The following RRM2 variants were observed in gnomAD, a reference collection of about 807,000 sequenced individuals.
The protein encoded by RRM2 is ribonucleotide reductase regulatory subunit M2, also known as ribonucleoside-diphosphate reductase subunit M2.
A neutral mutation model predicts 45.9 loss-of-function variants in RRM2; 6 were observed. The observed-to-expected ratio is 0.13, with a 90% CI of 0.07 to 0.26. RRM2 has a LOEUF of 0.26. Ranked by LOEUF, RRM2 falls within the 10% of genes least tolerant of loss-of-function variation. RRM2 has a pLI of 1.00. For synonymous variants in RRM2, 177 were observed against 173.0 expected (o/e 1.02, Z -0.18); for missense variants, 343 against 489.5 (o/e 0.70, Z 2.82).
At position 10,123,521 on chromosome 2, in the gene RRM2, C is replaced by T. The variant is rs561023083; in HGVS notation, c.309C>T (p.Thr103=). The part of the protein sequence containing the change: ...MYKKAEASFW[T]AEEVDLSKDI... ...AGAAGGCAGAGGCTTCCTTTTGGAC[C>T]GCCGAGGAGGTAATCGGAGGACCCC... The change falls in exon 3 of 10, where the codon ACC becomes ACT. Residue 103 remains threonine, a synonymous_variant. Coordinates refer to ENST00000304567, the MANE Select transcript of RRM2 (RefSeq NM_001034.4). 6 of 1,612,730 alleles carry T rather than the reference C, an allele frequency of 3.7e-6. No individual in the cohort carries two copies. In the Admixed American group the frequency reaches 5.0e-5, roughly 14 times the overall value.
Position 10,185,585 on chromosome 2 carries a change from C to T in RRM2, n.483-24726C>T, listed in dbSNP as rs1478074778. Among the ~76,000 whole-genome samples, 2 of 152,158 alleles carry T rather than the reference C, an allele frequency of 1.3e-5. No homozygotes were observed. Among genetic ancestry groups the T allele is most frequent in the Non-Finnish European group, 2.9e-5 (2 of 68,044 alleles). On this transcript the variant is annotated intron_variant and non_coding_transcript_variant, in intron 3 of 3. Transcript: ENST00000381786. This position sits in a 1 kb window ranked among gnomAD's most constrained non-coding sequence, Gnocchi z 4.3. ...CGGATGGTTTTAAGGTGATTTTAGC[C>T]ATCGAATTCCATATGACTCTGTTCT...
chr2:10,147,257 C>A (rs1663205209), intron 3 of RRM2, among the ~76,000 whole-genome samples: 1 of 151,744 alleles, frequency 6.6e-6, no homozygotes, highest in Non-Finnish European at 1.5e-5. Context: ...GGCTTAGTTT[C>A]TTTATTTAAA....
Position 10,154,691 on chromosome 2 carries a change from CTTTTTTTTT to C in RRM2, n.482+12329_482+12337del. The stretch of plus-strand genomic sequence containing the variant: ...TGTCTCCACAGAGTAAGTCCTGATT[CTTTTTTTTT>C]TTTTTTTTTTTTGAGACTGTGTTTC... On this transcript the variant is annotated intron_variant and non_coding_transcript_variant, in intron 3 of 3. Coordinates refer to the RRM2 transcript ENST00000381786. Among the ~76,000 whole-genome samples, 2 of 95,758 alleles carry C rather than the reference CTTTTTTTTT, an allele frequency of 2.1e-5. 1 individual carries two copies. The highest frequency in any genetic ancestry group is 8.5e-5 in the African/African-American group (2 of 23,582). 62.8% of individuals were successfully genotyped at this position (95,758 alleles called of 152,430 possible).
At chr2:10,180,289 T>C (rs940486368) in intron 3 of RRM2, among the ~76,000 whole-genome samples, 1 of 151,676 alleles carries the variant, frequency 6.6e-6, no homozygotes, top group African/African-American at 2.4e-5. Flanking sequence ...CAGCAGAAAA[T>C]AACTTCGCTG....
At chr2:10,162,328 C>A (rs956457657) in intron 3 of RRM2, among the ~76,000 whole-genome samples, 1 of 152,162 alleles carries the variant, frequency 6.6e-6, no homozygotes, top group Non-Finnish European at 1.5e-5. Flanking sequence ...CTTTGGGATG[C>A]GGCGTCTCGA....
chr2:10,147,801 TG>T (rs1338899865), intron 3 of RRM2, among the ~76,000 whole-genome samples: 1 of 152,210 alleles, frequency 6.6e-6, no homozygotes, highest in Non-Finnish European at 1.5e-5. Flanking sequence ...TATACCTCTA[TG>T]CTATCTTTTT....
In RRM2 at chr2:10,131,103, A is replaced by G. The variant is rs951366002; in HGVS notation, c.*1717A>G. The G allele has an allele frequency of 2.0e-5, 3 of 152,202 alleles. No homozygotes were observed. The highest frequency in any genetic ancestry group is 7.2e-5 in the African/African-American group (3 of 41,450). 9.4% of individuals were successfully genotyped at this position (152,202 alleles called of 1,614,324 possible). On this transcript the variant is annotated 3_prime_UTR_variant, in exon 10 of 10. Transcript: ENST00000304567. ...TTTCTTCATCATTTATTGTATAGAC[A>G]ATTTTTAAATCTCTGTAATATGATA... is the stretch of plus-strand genomic sequence containing the variant.
rs1051094214 is a variant in RRM2 at position 10,195,434 on chromosome 2, T to A, written n.483-14877T>A. ...AGCACCGAGTCCCCGCCGTGATGGG[T>A]CCCTGAAGCACCGGAGCCAGCAGCA... is the stretch of plus-strand genomic sequence containing the variant. On this transcript the variant is annotated intron_variant and non_coding_transcript_variant, in intron 3 of 3. Transcript: ENST00000381786. The surrounding 1 kb of genome is among the most constrained non-coding windows in gnomAD (Gnocchi z 4.9). 2.6e-5 allele frequency among the ~76,000 whole-genome samples: 4 copies of A among 152,016 alleles called. No homozygotes were observed. Among genetic ancestry groups the A allele is most frequent in the Non-Finnish European group, 5.9e-5 (4 of 67,984 alleles).
At chr2:10,135,642 A>G (rs1163101191), downstream of RRM2, among the ~76,000 whole-genome samples, 3 of 152,198 alleles carry the variant, frequency 2.0e-5, no homozygotes, top group Non-Finnish European at 2.9e-5. Context: ...AGATGTAAAT[A>G]AACTTAAGAG....
intron 3 of RRM2, among the ~76,000 whole-genome samples, chr2:10,157,862 G>A (rs111348442): frequency 5.9e-5 from 9 of 152,302 alleles, no homozygotes; most frequent in African/African-American, 1.9e-4. Context: ...GGCAGGTGAC[G>A]TATTTTAGTG....
intron 3 of RRM2, among the ~76,000 whole-genome samples, chr2:10,146,763 G>A (rs1663195566): frequency 6.6e-6 from 1 of 152,224 alleles, no homozygotes; most frequent in Non-Finnish European, 1.5e-5. Flanking sequence ...GGCAGTGCAA[G>A]GGCAGCGACC....
At chr2:10,147,110 G>A (rs1301512910) in intron 3 of RRM2, among the ~76,000 whole-genome samples, 5 of 151,870 alleles carry the variant, frequency 3.3e-5, no homozygotes, top group South Asian at 2.1e-4. Context: ...GCACTACCAC[G>A]CCCAGCTAAT....
At chr2:10,182,021 C>T (rs1664070341) in intron 3 of RRM2, among the ~76,000 whole-genome samples, 1 of 152,058 alleles carries the variant, frequency 6.6e-6, no homozygotes. Flanking sequence ...ATTCCTCAGC[C>T]TCCCAAAGTG....
At chr2:10,199,800 A>AAAAAAAAAAAAAAAAAAAAAAAAAAAAAC (rs1572534126) in intron 3 of RRM2, among the ~76,000 whole-genome samples, 7 of 97,884 alleles carry the variant, frequency 7.2e-5, no homozygotes, top group African/African-American at 2.4e-4. Context: ...AAAAAAAAAA[A>AAAAAAAAAAAAAAAAAAAAAAAAAAAAAC]AAAAAAAAAC....
chr2:10,152,593 C>G (rs180680853), intron 3 of RRM2, among the ~76,000 whole-genome samples: 1 of 151,946 alleles, frequency 6.6e-6, no homozygotes, highest in Non-Finnish European at 1.5e-5. Flanking sequence ...AGCAGTTCTC[C>G]CACCTCAGCC....
At chr2:10,198,690 G>C (rs1485553095) in intron 3 of RRM2, 3 of 152,150 alleles carry the variant, frequency 2.0e-5, no homozygotes, top group Non-Finnish European at 4.4e-5. Flanking sequence ...AACAGTCCAA[G>C]ACAGGTTTAT....
chr2:10,175,418 A>T (rs1486199818), intron 3 of RRM2, among the ~76,000 whole-genome samples: 10 of 152,240 alleles, frequency 6.6e-5, no homozygotes, highest in Non-Finnish European at 1.5e-4. Context: ...TTAAGTGTAC[A>T]GTTCAACGTT....
At position 10,171,878 on chromosome 2, in the gene RRM2, C is replaced by T. The variant is rs1249342363; in HGVS notation, n.482+29503C>T. 6.6e-6 allele frequency among the ~76,000 whole-genome samples: 1 copy of T among 152,180 alleles called. No homozygotes were observed. Among genetic ancestry groups the T allele is most frequent in the Non-Finnish European group, 1.5e-5 (1 of 68,036 alleles). On this transcript the variant is annotated intron_variant and non_coding_transcript_variant, in intron 3 of 3. Transcript: ENST00000381786. This position sits in a 1 kb window ranked among gnomAD's most constrained non-coding sequence, Gnocchi z 4.1. ...CAGGAACAAACAAAATATACAGAAA[C>T]TTGGCCCTTGTGTTGCTCAGGATGA...
At position 10,185,008 on chromosome 2, in the gene RRM2, C is replaced by T. The variant is rs1664136152; in HGVS notation, n.483-25303C>T. 6.6e-6 allele frequency among the ~76,000 whole-genome samples: 1 copy of T among 152,174 alleles called. No individual in the cohort carries two copies. The highest frequency in any genetic ancestry group is 2.4e-5 in the African/African-American group (1 of 41,432). On this transcript the variant is annotated intron_variant and non_coding_transcript_variant, in intron 3 of 3. Transcript: ENST00000381786. The surrounding 1 kb of genome is among the most constrained non-coding windows in gnomAD (Gnocchi z 4.3). ...CAGCACTAACCCAAAGCCAATCTGA[C>T]AAATGAACAAGTCATTCTATTTACT...
Sources: allele counts gnomAD v4.1 joint callset (sites outside exome capture counted in the v4.1 genomes callset), GRCh38; gene constraint gnomAD v4.1.1; non-coding constraint Gnocchi (gnomAD v3.1); transcripts MANE v1.5; gene names NCBI Gene and HGNC (gene_info 2026-07-23, HGNC 2026-07-21).